Variants in TEX14 observed in about 807,000 individuals in gnomAD.
The protein encoded by TEX14 is inactive serine/threonine-protein kinase TEX14.
TEX14 carries 168 observed loss-of-function variants against 178.6 expected under a neutral mutation model. The observed-to-expected ratio is 0.94, with a 90% CI of 0.83 to 1.07. The LOEUF is 1.07. Ranked by LOEUF, TEX14 falls within the 50% of genes least tolerant of loss-of-function variation. TEX14 has a pLI of 0.00. For missense variants in TEX14, 1,730 were observed against 1,753.6 expected, an observed-to-expected ratio of 0.99 and a Z score of 0.24; for synonymous variants, 626 against 634.1, an observed-to-expected ratio of 0.99 and a Z score of 0.19.
chr17:58,679,651 A>G (rs1009786953), intron 1 of TEX14: 1 of 152,098 alleles, frequency 6.6e-6, no homozygotes, highest in Non-Finnish European at 1.5e-5. Context: ...TGAAAAATCC[A>G]CCTTTAATGA....
chr17:58,588,682 C>G (rs934845761), intron 15 of TEX14, among the ~76,000 whole-genome samples: 1 of 152,196 alleles, frequency 6.6e-6, no homozygotes, highest in Non-Finnish European at 1.5e-5. Context: ...TGACCTACCA[C>G]TAGGTTACTA....
chr17:58,612,181 T>C lies in TEX14; in HGVS notation c.1006-842A>G, dbSNP rs531239638. On this transcript the variant is annotated intron_variant, in intron 9 of 31. Coordinates refer to ENST00000349033, the MANE Select transcript of TEX14 (RefSeq NM_031272.5). ...TGATACAGGCCTCTATAGAAAAAAC[T>C]GGGAGAGAGCACAAATGAAAATGTA... Among the ~76,000 whole-genome samples the C allele has an allele frequency of 7.9e-5, 12 of 152,094 alleles. No homozygotes were observed. The South Asian group carries it at 2.5e-3, about 32-fold the overall frequency.
intron 10 of TEX14, 134 bp downstream of exon 10, chr17:58,611,027 G>C (rs2045732518): frequency 1.5e-6 from 1 of 654,102 alleles, no homozygotes; most frequent in Admixed American, 2.4e-5. Context: ...AGGCATTTGG[G>C]ACAGGTTCAG....
intron 1 of TEX14, among the ~76,000 whole-genome samples, chr17:58,678,591 G>A (rs566915410): frequency 1.1e-4 from 17 of 151,996 alleles, no homozygotes; most frequent in South Asian, 4.2e-4. Flanking sequence ...ACCAAACACC[G>A]TATGTTCTCA....
chr17:58,666,241 G>T (rs2047202522), intron 1 of TEX14, among the ~76,000 whole-genome samples: 1 of 151,544 alleles, frequency 6.6e-6, no homozygotes, highest in African/African-American at 2.4e-5. Flanking sequence ...CCAGTTTCTA[G>T]GGAAGCTGAG....
intron 15 of TEX14, among the ~76,000 whole-genome samples, chr17:58,588,922 G>A (rs1033406390): frequency 4.6e-5 from 7 of 152,152 alleles, no homozygotes; most frequent in African/African-American, 1.7e-4. Flanking sequence ...AACAAATAAA[G>A]TTTATAAATA....
Position 58,627,769 on chromosome 17 carries a change from CA to C in TEX14, c.251+2670del, listed in dbSNP as rs34691705. Among the ~76,000 whole-genome samples, 209 of 66,930 alleles carry C rather than the reference CA, an allele frequency of 3.1e-3. 1 individual carries two copies. Among genetic ancestry groups the C allele is most frequent in the African/African-American group, 7.9e-3 (116 of 14,592 alleles). 43.9% of individuals were successfully genotyped at this position (66,930 alleles called of 152,430 possible). A position where few individuals can be genotyped will look rare whatever the true frequency, so the allele number is the denominator to read the frequency against. ...TGGGTGACAGAGCAAGACTCTATCT[CA>C]AAAAAAAAAAAAAAAAAAAGTGGGA... On this transcript the variant is annotated intron_variant, in intron 3 of 31. Coordinates refer to ENST00000349033, the MANE Select transcript of TEX14 (RefSeq NM_031272.5).
chr17:58,578,636 T>A (rs1049983042), intron 20 of TEX14, among the ~76,000 whole-genome samples: 2 of 152,144 alleles, frequency 1.3e-5, no homozygotes, highest in African/African-American at 4.8e-5. Context: ...TGCCCTAAAC[T>A]TTTCCATCCC....
At chr17:58,660,615 G>A (rs1157280651) in intron 1 of TEX14, 2 of 791,946 alleles carry the variant, frequency 2.5e-6, no homozygotes, top group Non-Finnish European at 4.7e-6. Context: ...CCCCTAGGGT[G>A]GGTGTCCTTC....
In TEX14 at chr17:58,617,586, T is replaced by G; in HGVS notation, c.588A>C (p.Lys196Asn). 6.2e-7 allele frequency: 1 copy of G among 1,613,812 alleles called. No individual in the cohort carries two copies. Among genetic ancestry groups the G allele is most frequent in the Non-Finnish European group, 8.5e-7 (1 of 1,179,816 alleles). Residue 196 changes from lysine (K) to asparagine (N), a missense_variant, in exon 6 of 32, where the codon AAA becomes AAC. Coordinates refer to ENST00000349033, the MANE Select transcript of TEX14 (RefSeq NM_031272.5). Reference protein sequence around the residue: ...NPNGSPNRLLKAGVISAQNIY... With the variant: ...NPNGSPNRLLNAGVISAQNIY... ...TATTTTGAGCAGAAATGACTCCAGCTTTAAGCAGTCGGTTAGGAGAGCCAT... is the reference window on the plus strand; with the variant it reads ...TATTTTGAGCAGAAATGACTCCAGCGTTAAGCAGTCGGTTAGGAGAGCCAT...
rs530335347 is a variant in TEX14, at chr17:58,626,135, C to T, written c.252-3123G>A. Reference sequence around the variant, plus strand: ...GCTTTCCTGGCTCCCTTTCCTGCCCCCCTTTCCTGCCCAACAGCAATAGAT... The same window carrying T: ...GCTTTCCTGGCTCCCTTTCCTGCCCTCCTTTCCTGCCCAACAGCAATAGAT... On this transcript the variant is annotated intron_variant, in intron 3 of 31. Coordinates refer to ENST00000349033, the MANE Select transcript of TEX14 (RefSeq NM_031272.5). 2.0e-5 allele frequency among the ~76,000 whole-genome samples: 3 copies of T among 152,226 alleles called. No homozygotes were observed. In the East Asian group the frequency reaches 5.8e-4, roughly 29 times the overall value.
chr17:58,655,617 G>A (rs561432365), intron 1 of TEX14, among the ~76,000 whole-genome samples: 2 of 152,208 alleles, frequency 1.3e-5, no homozygotes, highest in Admixed American at 1.3e-4. Flanking sequence ...ACCGCACCTG[G>A]CCAATAAACT....
intron 1 of TEX14, among the ~76,000 whole-genome samples, chr17:58,685,272 A>G (rs766306848): frequency 2.7e-5 from 4 of 150,434 alleles, no homozygotes; most frequent in Admixed American, 6.6e-5. Flanking sequence ...CGTCTCTACT[A>G]AAAAAATACA....
intron 11 of TEX14, among the ~76,000 whole-genome samples, chr17:58,603,142 C>T (rs1345090952): frequency 2.0e-5 from 3 of 152,098 alleles, no homozygotes; most frequent in Non-Finnish European, 4.4e-5. Context: ...ATCACCGCCA[C>T]AGAGATAGGA....
chr17:58,561,483 A>C (rs777575089), intron 29 of TEX14, 37 bp downstream of exon 29: 45 of 1,442,882 alleles, frequency 3.1e-5, no homozygotes, highest in African/African-American at 4.2e-5. Context: ...CACTTCCTGA[A>C]AAAGAAGAAA....
At chr17:58,578,785 G>T (rs1008880927) in intron 20 of TEX14, among the ~76,000 whole-genome samples, 7 of 152,180 alleles carry the variant, frequency 4.6e-5, no homozygotes, top group Non-Finnish European at 1.0e-4. Flanking sequence ...AGTAAAAGTT[G>T]ATCTAAAAGC....
At chr17:58,589,790 C>G (rs1354330547) in intron 15 of TEX14, among the ~76,000 whole-genome samples, 1 of 151,584 alleles carries the variant, frequency 6.6e-6, no homozygotes, top group Non-Finnish European at 1.5e-5. Flanking sequence ...GGCTCAACTT[C>G]CCAGGCTCCA....
At chr17:58,642,590 C>T (rs189821394) in intron 2 of TEX14, among the ~76,000 whole-genome samples, 48 of 151,666 alleles carry the variant, frequency 3.2e-4, no homozygotes, top group Admixed American at 9.2e-4. Flanking sequence ...TGTAATGGCA[C>T]GATCTGGGCT....
intron 5 of TEX14, among the ~76,000 whole-genome samples, chr17:58,618,375 G>A (rs1251927622): frequency 6.6e-6 from 1 of 152,212 alleles, no homozygotes; most frequent in Non-Finnish European, 1.5e-5. Context: ...GTCATAAAAT[G>A]CAGCAGTGAC....
Sources: allele counts gnomAD v4.1 joint callset (sites outside exome capture counted in the v4.1 genomes callset), GRCh38; gene constraint gnomAD v4.1.1; transcripts MANE v1.5; gene names NCBI Gene and HGNC (gene_info 2026-07-23, HGNC 2026-07-21).